Variants in FNDC1 observed in about 807,000 individuals in gnomAD.
FNDC1 encodes the protein fibronectin type III domain-containing protein 1.
FNDC1 carries 96 observed loss-of-function variants against 168.0 expected under a neutral mutation model. The ratio of observed to expected loss-of-function variants is 0.57; its 90% CI spans 0.48 to 0.68. The LOEUF is 0.68. FNDC1 is among the 30% of genes least tolerant of loss of function. The pLI is 0.00. For synonymous variants in FNDC1, 1,099 were observed against 1,025.9 expected, an observed-to-expected ratio of 1.07 and a Z score of -1.36; for missense variants, 2,587 against 2,482.1, an observed-to-expected ratio of 1.04 and a Z score of -0.90.
intron 14 of FNDC1, among the ~76,000 whole-genome samples, chr6:159,241,608 A>G (rs114182752): frequency 5.3e-5 from 8 of 152,374 alleles, no homozygotes; most frequent in African/African-American, 1.7e-4. Context: ...ACAGTAACAT[A>G]TCATCCTCAT....
At chr6:159,209,247 G>A (rs112225035) in intron 4 of FNDC1, among the ~76,000 whole-genome samples, 13 of 152,322 alleles carry the variant, frequency 8.5e-5, no homozygotes, top group South Asian at 2.1e-4. Flanking sequence ...GAATTTCCAC[G>A]CTCCAGGCTT....
chr6:159,216,712 G>C (rs1037278991), intron 5 of FNDC1, among the ~76,000 whole-genome samples: 1 of 152,244 alleles, frequency 6.6e-6, no homozygotes, highest in Admixed American at 6.5e-5. Context: ...CTTGAGCAGA[G>C]AGCCTAATTC....
intron 14 of FNDC1, among the ~76,000 whole-genome samples, chr6:159,243,850 C>T (rs1050835521): frequency 5.3e-5 from 8 of 151,912 alleles, no homozygotes; most frequent in Non-Finnish European, 1.0e-4. Flanking sequence ...AAAAGAACAC[C>T]AAAATCACCC....
chr6:159,238,517 T>G (rs1016191714), intron 12 of FNDC1, 37 bp from the exon 13 acceptor site: 1 of 1,434,574 alleles, frequency 7.0e-7, no homozygotes, highest in Non-Finnish European at 9.7e-7. Context: ...CATTTCAAAA[T>G]GTCCAATATA....
At chr6:159,187,070 C>T (rs962140797) in intron 1 of FNDC1, among the ~76,000 whole-genome samples, 3 of 152,138 alleles carry the variant, frequency 2.0e-5, no homozygotes, top group African/African-American at 7.2e-5. Flanking sequence ...GCCGCTGGCT[C>T]CTCTGCTCAG....
At chr6:159,210,719 T>C (rs1782583832) in intron 4 of FNDC1, among the ~76,000 whole-genome samples, 1 of 152,130 alleles carries the variant, frequency 6.6e-6, no homozygotes, top group Admixed American at 6.5e-5. Flanking sequence ...ACTTTGGAGA[T>C]GTCAGGCAGC....
chr6:159,257,355 C>A (rs1777395443), intron 18 of FNDC1, among the ~76,000 whole-genome samples: 2 of 152,194 alleles, frequency 1.3e-5, no homozygotes, highest in South Asian at 4.1e-4. Context: ...TGGTTGATAG[C>A]ATTTGCCAAT....
intron 1 of FNDC1, among the ~76,000 whole-genome samples, chr6:159,186,548 T>C (rs1782003633): frequency 6.6e-6 from 1 of 152,232 alleles, no homozygotes; most frequent in South Asian, 2.1e-4. Context: ...GACCTTTTCA[T>C]GTAAGGCAGC....
At chr6:159,246,255 T>C (rs1373391286) in intron 14 of FNDC1, among the ~76,000 whole-genome samples, 1 of 152,180 alleles carries the variant, frequency 6.6e-6, no homozygotes, top group Admixed American at 6.5e-5. Flanking sequence ...GAAATCTGAT[T>C]TATCTCCTGA....
At chr6:159,239,227 A>C (rs1266236866) in intron 13 of FNDC1, among the ~76,000 whole-genome samples, 7 of 152,124 alleles carry the variant, frequency 4.6e-5, no homozygotes, top group Non-Finnish European at 7.4e-5. Context: ...GAGGCTTAAC[A>C]TATTCGCTTC....
At chr6:159,196,297 C>G (rs1289647926) in intron 1 of FNDC1, among the ~76,000 whole-genome samples, 1 of 152,164 alleles carries the variant, frequency 6.6e-6, no homozygotes, top group East Asian at 1.9e-4. Context: ...GCTTCAAAAT[C>G]CTCAAATTCA....
chr6:159,200,410 G>A (rs1382906857), intron 3 of FNDC1, 103 bp from the exon 4 acceptor site: 5 of 899,068 alleles, frequency 5.6e-6, no homozygotes, highest in Non-Finnish European at 6.9e-6. Flanking sequence ...TCCTTTTGAA[G>A]ATGGTTGAAA....
Position 159,246,929 on chromosome 6 carries a change from T to G in FNDC1, c.4650T>G (p.Thr1550=), listed in dbSNP as rs294911. The change falls in exon 15 of 23, where the codon ACT becomes ACG. Residue 1550 remains threonine, a synonymous_variant. Coordinates refer to ENST00000297267, the MANE Select transcript of FNDC1 (RefSeq NM_032532.3). The part of the protein sequence containing the change: ...EDEFSGLETD[T]AVPTEEAYVI... Reference sequence around the variant, plus strand: ...AGTTCTCAGGCTTGGAGACTGACACTGCAGTACCTACGGAAGAGGCCTACG... The same window carrying G: ...AGTTCTCAGGCTTGGAGACTGACACGGCAGTACCTACGGAAGAGGCCTACG... The G allele has an allele frequency of 0.23, 370,723 of 1,609,050 alleles. 46,038 individuals carry two copies. The highest frequency in any genetic ancestry group is 0.4 in the Admixed American group (23,809 of 59,952).
In FNDC1 at chr6:159,232,607, A is replaced by G. The variant is rs1331609230; in HGVS notation, c.2095A>G (p.Arg699Gly). 1 of 1,607,716 alleles carries G rather than the reference A, an allele frequency of 6.2e-7. No individual in the cohort carries two copies. The highest frequency in any genetic ancestry group is 1.3e-5 in the African/African-American group (1 of 74,804). ...CGCAAAGCCAGCCTCGCCGGCCCGG[A>G]GGACCCCCCATTCAGGGGCCGCAGA... ...PGAKPASPARRTPHSGAAEED... is the reference protein window; with the variant it reads ...PGAKPASPARGTPHSGAAEED... The change falls in exon 11 of 23, where the codon AGG becomes GGG. Residue 699 changes from arginine to glycine, a missense_variant. Arg to Gly is a moderately radical substitution (Grantham distance 125). Transcript: ENST00000297267. The surrounding 1 kb of genome is among the most constrained non-coding windows in gnomAD (Gnocchi z 4.9).
chr6:159,235,006 C>G lies in FNDC1; in HGVS notation c.3967+527C>G, dbSNP rs184527739. On this transcript the variant is annotated intron_variant, in intron 11 of 22. Transcript: ENST00000297267. Reference sequence around the variant, plus strand: ...TTGTTCTCATCTTCTGCATGCAAAACTCTCAACCAAACAAACCCTGAGACA... The same window carrying G: ...TTGTTCTCATCTTCTGCATGCAAAAGTCTCAACCAAACAAACCCTGAGACA... 7.3e-3 allele frequency among the ~76,000 whole-genome samples: 1,115 copies of G among 152,352 alleles called. 15 individuals carry two copies. The highest frequency in any genetic ancestry group is 0.026 in the African/African-American group (1,069 of 41,576).
chr6:159,206,309 C>T (rs930394783), intron 4 of FNDC1, among the ~76,000 whole-genome samples: 1 of 152,236 alleles, frequency 6.6e-6, no homozygotes, highest in Non-Finnish European at 1.5e-5. Flanking sequence ...TTAATGCTGT[C>T]TGTGACATTA....
chr6:159,251,572 GGTGGGAAAT>G, intron 17 of FNDC1, 40 bp downstream of exon 17: 1 of 1,544,074 alleles, frequency 6.5e-7, no homozygotes, highest in South Asian at 1.2e-5. Context: ...ATGATCTGTA[GGTGGGAAAT>G]GTGGACAATA....
rs1013371748 is a variant in FNDC1, at chr6:159,229,867, C to T, written c.1233C>T (p.Leu411=). The T allele has an allele frequency of 6.2e-7, 1 of 1,613,794 alleles. No individual in the cohort carries two copies. Among genetic ancestry groups the T allele is most frequent in the Non-Finnish European group, 8.5e-7 (1 of 1,179,832 alleles). ...TCAAACCATTTGGAGCAAAGTCCCTCACCTATCCTGGAGACACTACTTCTG... is the reference window on the plus strand; with the variant it reads ...TCAAACCATTTGGAGCAAAGTCCCTTACCTATCCTGGAGACACTACTTCTG... The part of the protein sequence containing the change: ...PALKPFGAKS[L]TYPGDTTSAL... Residue 411 remains leucine (L), a synonymous_variant, in exon 10 of 23, where the codon CTC becomes CTT. Coordinates refer to ENST00000297267, the MANE Select transcript of FNDC1 (RefSeq NM_032532.3).
At position 159,240,375 on chromosome 6, in the gene FNDC1, G is replaced by T. The variant is rs141264406; in HGVS notation, c.4621+418G>T. ...TAATATATATGTATATACTTAAAAGGTTCTGTGATTAGCTATGTGATTTAA... is the reference window on the plus strand; with the variant it reads ...TAATATATATGTATATACTTAAAAGTTTCTGTGATTAGCTATGTGATTTAA... On this transcript the variant is annotated intron_variant, in intron 14 of 22. Transcript: ENST00000297267. Among the ~76,000 whole-genome samples, 144 of 152,278 alleles carry T rather than the reference G, an allele frequency of 9.5e-4. 2 individuals carry two copies. The highest frequency in any genetic ancestry group is 8.1e-3 in the Admixed American group (124 of 15,294).
Sources: gnomAD v4.1 joint callset for allele counts (sites outside exome capture counted in the v4.1 genomes callset) on GRCh38, gnomAD v4.1.1 for gene constraint, Gnocchi (gnomAD v3.1) non-coding constraint, MANE v1.5 for transcripts, NCBI Gene and HGNC (gene_info 2026-07-23, HGNC 2026-07-21) for gene names.